Variants in RASAL2 observed in about 807,000 individuals in gnomAD.
RASAL2 encodes the protein RAS protein activator like 2.
RASAL2 carries 58 observed loss-of-function variants against 128.9 expected under a neutral mutation model. The ratio of observed to expected loss-of-function variants is 0.45; its 90% CI spans 0.36 to 0.56. The LOEUF is 0.56. RASAL2 is among the 20% of genes least tolerant of loss of function. The pLI, the probability that RASAL2 is intolerant of heterozygous loss-of-function variation, is 0.00. For missense variants in RASAL2, 1,360 were observed against 1,601.6 expected, an observed-to-expected ratio of 0.85 and a Z score of 2.57; for synonymous variants, 561 against 580.8, an observed-to-expected ratio of 0.97 and a Z score of 0.49.
At chr1:178,421,307 G>A (rs972085874) in intron 5 of RASAL2, among the ~76,000 whole-genome samples, 2 of 151,992 alleles carry the variant, frequency 1.3e-5, no homozygotes, top group Non-Finnish European at 2.9e-5. Flanking sequence ...AGCTCCCTAA[G>A]GATAATATGC....
intron 3 of RASAL2, chr1:178,341,708 A>G (rs1669892492): frequency 1.2e-5 from 18 of 1,535,048 alleles, no homozygotes. Flanking sequence ...ATTTACCTTT[A>G]TGATTATTGG....
chr1:178,233,423 C>T (rs1664092161), intron 1 of RASAL2, among the ~76,000 whole-genome samples: 1 of 152,110 alleles, frequency 6.6e-6, no homozygotes, highest in Non-Finnish European at 1.5e-5. Flanking sequence ...CAGTGAAAAG[C>T]AAGAGGAAGA....
chr1:178,215,953 T>C (rs1374310474), intron 1 of RASAL2, among the ~76,000 whole-genome samples: 1 of 152,194 alleles, frequency 6.6e-6, no homozygotes, highest in Non-Finnish European at 1.5e-5. Context: ...TTCAGCAAAG[T>C]AACTAAATCT....
intron 2 of RASAL2, among the ~76,000 whole-genome samples, chr1:178,294,797 C>G (rs919980267): frequency 6.6e-6 from 1 of 152,182 alleles, no homozygotes; most frequent in Non-Finnish European, 1.5e-5. Flanking sequence ...ACTCACTGAG[C>G]TGAGGAGGCA....
intron 17 of RASAL2, among the ~76,000 whole-genome samples, chr1:178,468,091 C>T (rs1647921169): frequency 1.3e-5 from 2 of 152,170 alleles, no homozygotes; most frequent in South Asian, 4.1e-4. Flanking sequence ...CCAAGAGCAC[C>T]TCATAGGGAC....
At chr1:178,122,203 A>G (rs900699693) in intron 1 of RASAL2, among the ~76,000 whole-genome samples, 4 of 152,232 alleles carry the variant, frequency 2.6e-5, no homozygotes, top group Non-Finnish European at 4.4e-5. Flanking sequence ...AATGTGCATT[A>G]AAATCGGTTT....
At chr1:178,401,004 G>A (rs1673590623) in intron 4 of RASAL2, among the ~76,000 whole-genome samples, 1 of 152,144 alleles carries the variant, frequency 6.6e-6, no homozygotes, top group African/African-American at 2.4e-5. Context: ...ACCTACCTTG[G>A]CCTCCCAAGG....
At chr1:178,289,914 T>G (rs1442083161) in intron 2 of RASAL2, among the ~76,000 whole-genome samples, 1 of 152,134 alleles carries the variant, frequency 6.6e-6, no homozygotes, top group Non-Finnish European at 1.5e-5. Context: ...TCTTCCCTCT[T>G]ATATTTACAT....
intron 5 of RASAL2, among the ~76,000 whole-genome samples, chr1:178,423,545 T>TCATTACTC (rs1401623481): frequency 6.6e-6 from 1 of 152,138 alleles, no homozygotes; most frequent in African/African-American, 2.4e-5. Flanking sequence ...ATAGTCACTG[T>TCATTACTC]CATTACTCCT....
chr1:178,174,713 C>T (rs1661825854), intron 1 of RASAL2, among the ~76,000 whole-genome samples: 4 of 152,288 alleles, frequency 2.6e-5, no homozygotes, highest in Admixed American at 6.5e-5. Flanking sequence ...CCTGCTTCTG[C>T]CTCTGGATTT....
At chr1:178,155,959 C>T (rs1661070932) in intron 1 of RASAL2, among the ~76,000 whole-genome samples, 1 of 152,126 alleles carries the variant, frequency 6.6e-6, no homozygotes, top group South Asian at 2.1e-4. Flanking sequence ...TGTTTGCTTG[C>T]TCTTCCCCCG....
chr1:178,121,087 GGTGA>G (rs1431785602), intron 1 of RASAL2: 3 of 152,124 alleles, frequency 2.0e-5, no homozygotes, highest in African/African-American at 7.2e-5. Flanking sequence ...AGTTTTTCCA[GGTGA>G]GTATCGTCAG....
intron 1 of RASAL2, among the ~76,000 whole-genome samples, chr1:178,148,256 G>A (rs1446302391): frequency 6.6e-6 from 1 of 151,580 alleles, no homozygotes; most frequent in Non-Finnish European, 1.5e-5. Flanking sequence ...AAAAGGGTAA[G>A]GCTTGGTAAA....
chr1:178,456,808 C>G lies in RASAL2; in HGVS notation c.2299C>G (p.Leu767Val). The change falls in exon 13 of 18, where the codon CTG (leucine) becomes GTG (valine). Residue 767 changes from leucine to valine, a missense_variant. Leu to Val is a conservative substitution (Grantham distance 32, BLOSUM62 1). This residue lies in a region of RASAL2 where 741 missense variants were observed against 868.6 expected (regional missense o/e 0.85). Coordinates refer to ENST00000367649, the MANE Select transcript of RASAL2 (RefSeq NM_170692.4). The part of the protein sequence containing the change: ...LTNPTPIQQQ[L>V]RRFTEHNSSP... ...TAATCCTACGCCAATACAACAGCAA[C>G]TGAGACGCTTCACTGAACATAACTC... 1 of 1,614,200 alleles carries G rather than the reference C, an allele frequency of 6.2e-7. No individual in the cohort carries two copies. The highest frequency in any genetic ancestry group is 8.5e-7 in the Non-Finnish European group (1 of 1,180,038).
At chr1:178,327,105 A>G (rs1669075079) in intron 3 of RASAL2, among the ~76,000 whole-genome samples, 1 of 152,176 alleles carries the variant, frequency 6.6e-6, no homozygotes, top group Non-Finnish European at 1.5e-5. Flanking sequence ...TTTTGAATGA[A>G]ATTTAAAATC....
At chr1:178,191,603 A>T (rs1370638186) in intron 1 of RASAL2, among the ~76,000 whole-genome samples, 1 of 152,172 alleles carries the variant, frequency 6.6e-6, no homozygotes, top group African/African-American at 2.4e-5. Context: ...TTTGTTCAGT[A>T]CAGATTTCTG....
At chr1:178,321,859 A>G (rs925119750) in intron 3 of RASAL2, among the ~76,000 whole-genome samples, 2 of 151,670 alleles carry the variant, frequency 1.3e-5, no homozygotes, top group African/African-American at 2.4e-5. Context: ...GAGGTGGTGC[A>G]TGTCTGTAAT....
In RASAL2 at chr1:178,141,338, C is replaced by G. The variant is rs113931454; in HGVS notation, c.202+46644C>G. Among the ~76,000 whole-genome samples, 637 of 151,880 alleles carry G rather than the reference C, an allele frequency of 4.2e-3. 3 individuals are homozygous for G. The highest frequency in any genetic ancestry group is 0.014 in the African/African-American group (580 of 41,408). ...TTTATATCCCAATCATTGCCCCTTC[C>G]TCTGTGCTGTCAGGCGAGAGATGAT... is the stretch of plus-strand genomic sequence containing the variant. On this transcript the variant is annotated intron_variant, in intron 1 of 17. Coordinates refer to ENST00000367649, the MANE Select transcript of RASAL2 (RefSeq NM_170692.4).
At chr1:178,226,571 T>C (rs1057293105) in intron 1 of RASAL2, among the ~76,000 whole-genome samples, 4 of 152,184 alleles carry the variant, frequency 2.6e-5, no homozygotes, top group Non-Finnish European at 5.9e-5. Context: ...CAATTGATAT[T>C]AAGGAAAAAT....
Sources: gnomAD v4.1 joint callset for allele counts (sites outside exome capture counted in the v4.1 genomes callset) on GRCh38, gnomAD v4.1.1 for gene constraint, gnomAD v4.1.1 regional missense constraint, MANE v1.5 for transcripts, NCBI Gene and HGNC (gene_info 2026-07-23, HGNC 2026-07-21) for gene names.